CLASP2: variants seen among roughly 807,000 people sequenced by gnomAD.
The protein encoded by CLASP2 is cytoplasmic linker associated protein 2, also known as CLIP-associating protein 2.
In CLASP2, 47 loss-of-function variants were observed where a neutral mutation model predicts 194.4. That is an observed-to-expected ratio of 0.24 (90% confidence interval 0.19 to 0.31). The LOEUF is 0.31. Among genes scored for constraint, CLASP2 ranks in the 10% least tolerant of loss-of-function variants. The pLI, the probability that CLASP2 is intolerant of heterozygous loss-of-function variation, is 1.00. For missense variants in CLASP2, 1,445 were observed against 1,823.6 expected (o/e 0.79, Z 3.78); for synonymous variants, 619 against 633.5 (o/e 0.98, Z 0.34).
Position 33,551,531 on chromosome 3 carries a change from T to C in CLASP2, c.3010-136A>G, listed in dbSNP as rs1247042417. ...ATAGGGTCTTACTATGTTGGCAAGGTTGGTCTTGCGCTCCTGGCCTCAAGC... is the reference window on the plus strand; with the variant it reads ...ATAGGGTCTTACTATGTTGGCAAGGCTGGTCTTGCGCTCCTGGCCTCAAGC... On this transcript the variant is annotated intron_variant, in intron 29 of 38. Coordinates refer to ENST00000682230, the MANE Select transcript of CLASP2 (RefSeq NM_001365631.1). 9 of 845,262 alleles carry C rather than the reference T, an allele frequency of 1.1e-5. No individual in the cohort carries two copies. The East Asian group carries it at 2.5e-4, about 23-fold the overall frequency. 52.4% of individuals were successfully genotyped at this position (845,262 alleles called of 1,614,324 possible). A position where few individuals can be genotyped will look rare whatever the true frequency, so the allele number is the denominator to read the frequency against.
At chr3:33,539,784 T>C (rs1294859048) in intron 32 of CLASP2, among the ~76,000 whole-genome samples, 1 of 152,158 alleles carries the variant, frequency 6.6e-6, no homozygotes, top group Non-Finnish European at 1.5e-5. Context: ...CCTAAAATAT[T>C]TACTACCTGA....
chr3:33,664,157 C>A (rs1337751962), intron 6 of CLASP2, among the ~76,000 whole-genome samples: 1 of 152,022 alleles, frequency 6.6e-6, no homozygotes, highest in African/African-American at 2.4e-5. Context: ...TAAATAGGAA[C>A]AAAGAAAAAA....
At chr3:33,630,246 C>A (rs1014364041) in intron 9 of CLASP2, among the ~76,000 whole-genome samples, 76 of 152,082 alleles carry the variant, frequency 5.0e-4, no homozygotes, top group Non-Finnish European at 1.6e-4. Context: ...CTCACAATAA[C>A]CCTCGGCATA....
At chr3:33,590,389 A>ATAAC (rs2068467944) in intron 21 of CLASP2, among the ~76,000 whole-genome samples, 1 of 152,150 alleles carries the variant, frequency 6.6e-6, no homozygotes, top group African/African-American at 2.4e-5. Context: ...TGATCTTGTT[A>ATAAC]AAGATTGGAT....
chr3:33,616,664 A>G (rs115647042), intron 12 of CLASP2, among the ~76,000 whole-genome samples: 1 of 151,816 alleles, frequency 6.6e-6, no homozygotes, highest in African/African-American at 2.4e-5. Context: ...ATCATATTTA[A>G]TTAACGTTAA....
At chr3:33,511,210 T>G (rs1302871810) in intron 36 of CLASP2, among the ~76,000 whole-genome samples, 1 of 152,060 alleles carries the variant, frequency 6.6e-6, no homozygotes, top group Non-Finnish European at 1.5e-5. Flanking sequence ...TTTTTTTTAT[T>G]TTTATTTTTA....
At chr3:33,576,314 C>T in intron 23 of CLASP2, 39 bp from the exon 24 acceptor site, 1 of 1,522,818 alleles carries the variant, frequency 6.6e-7, no homozygotes, top group Non-Finnish European at 9.1e-7. Context: ...TTGAAGGAGT[C>T]ATAAATATAA....
intron 22 of CLASP2, among the ~76,000 whole-genome samples, chr3:33,582,428 G>C (rs1318316019): frequency 1.3e-5 from 2 of 152,164 alleles, no homozygotes; most frequent in East Asian, 3.9e-4. Flanking sequence ...GGTGAGTGGG[G>C]AGAACTGCCT....
At chr3:33,645,153 A>G (rs1010374281) in intron 7 of CLASP2, 2 of 725,490 alleles carry the variant, frequency 2.8e-6, no homozygotes, top group African/African-American at 1.7e-5. Context: ...AACATAAAAC[A>G]TTTTAACTCT....
At chr3:33,662,931 T>G (rs2085516626) in intron 7 of CLASP2, among the ~76,000 whole-genome samples, 1 of 152,004 alleles carries the variant, frequency 6.6e-6, no homozygotes, top group African/African-American at 2.4e-5. Context: ...CTCCCTGAAT[T>G]CCAACTTGGT....
At chr3:33,656,127 A>G (rs1376456804) in intron 7 of CLASP2, among the ~76,000 whole-genome samples, 1 of 152,162 alleles carries the variant, frequency 6.6e-6, no homozygotes, top group Non-Finnish European at 1.5e-5. Context: ...CTAAATTGAA[A>G]AGCCCCCCAA....
Position 33,632,308 on chromosome 3 carries a change from T to C in CLASP2, c.926A>G (p.Asp309Gly). Residue 309 changes from aspartate to glycine, a missense_variant, in exon 9 of 39, where the codon GAT (aspartate) becomes GGT (glycine). By Grantham distance (94) the Asp-to-Gly change is moderately conservative. Around this residue, in one of 4 missense-constraint regions of CLASP2, gnomAD observed 207 missense variants for 331.4 expected, o/e 0.62. Transcript: ENST00000682230. ...DEDDFIKAFT[D>G]VPSIQIYSSR... The stretch of plus-strand genomic sequence containing the variant: ...TAGCCTTACCTGAATAGAAGGGACA[T>C]CTGTAAAAGCTTTTATAAAATCATC... 1.9e-6 allele frequency: 3 copies of C among 1,604,362 alleles called. No homozygotes were observed. Among genetic ancestry groups the C allele is most frequent in the African/African-American group, 1.3e-5 (1 of 74,772 alleles).
chr3:33,604,486 T>A (rs2073246527), intron 16 of CLASP2, among the ~76,000 whole-genome samples: 1 of 152,198 alleles, frequency 6.6e-6, no homozygotes, highest in African/African-American at 2.4e-5. Flanking sequence ...GCGTGGCTAA[T>A]TTTTAAATTT....
intron 27 of CLASP2, among the ~76,000 whole-genome samples, chr3:33,566,311 C>A (rs2062728861): frequency 6.6e-6 from 1 of 152,072 alleles, no homozygotes; most frequent in Non-Finnish European, 1.5e-5. Context: ...TGTGGGAAGG[C>A]AGGGGTTAAA....
chr3:33,656,752 G>T lies in CLASP2; in HGVS notation c.715+6693C>A, dbSNP rs139181099. Reference sequence around the variant, plus strand: ...TTTCTATAGAAGACAAAATGGTTATGATATGTCCATATTATAGAATACTAT... The same window carrying T: ...TTTCTATAGAAGACAAAATGGTTATTATATGTCCATATTATAGAATACTAT... On this transcript the variant is annotated intron_variant, in intron 7 of 38. Transcript: ENST00000682230. Among the ~76,000 whole-genome samples the T allele has an allele frequency of 1.1e-3, 164 of 152,238 alleles. 1 individual carries two copies. Among genetic ancestry groups the T allele is most frequent in the African/African-American group, 3.4e-3 (142 of 41,546 alleles).
chr3:33,536,565 G>C (rs2057379257), intron 33 of CLASP2, among the ~76,000 whole-genome samples: 1 of 152,196 alleles, frequency 6.6e-6, no homozygotes, highest in Admixed American at 6.6e-5. Flanking sequence ...ACTAGCAGGA[G>C]ATGAGGCCAG....
chr3:33,607,310 A>G, intron 15 of CLASP2, 74 bp downstream of exon 15: 1 of 1,018,744 alleles, frequency 9.8e-7, no homozygotes, highest in African/African-American at 1.6e-5. Flanking sequence ...GACACTTCTG[A>G]TATTTTCATT....
At chr3:33,525,475 T>C (rs548599202) in intron 34 of CLASP2, among the ~76,000 whole-genome samples, 35 of 151,310 alleles carry the variant, frequency 2.3e-4, no homozygotes, top group Non-Finnish European at 4.7e-4. Context: ...CAAAGAAAAG[T>C]AAGACAGGAC....
chr3:33,685,022 T>C (rs890629836), intron 5 of CLASP2, among the ~76,000 whole-genome samples: 1 of 133,558 alleles, frequency 7.5e-6, no homozygotes. Flanking sequence ...AATAAATAAA[T>C]AAATAAATAA....
Sources: allele counts gnomAD v4.1 joint callset (sites outside exome capture counted in the v4.1 genomes callset), GRCh38; gene constraint gnomAD v4.1.1; regional missense constraint gnomAD v4.1.1; transcripts MANE v1.5; gene names NCBI Gene and HGNC (gene_info 2026-07-23, HGNC 2026-07-21).